Variants in GRID2 observed in about 807,000 individuals in gnomAD.
GRID2 encodes glutamate receptor ionotropic, delta-2.
A neutral mutation model predicts 114.8 loss-of-function variants in GRID2; 33 were observed. The observed-to-expected ratio is 0.29, with a 90% CI of 0.22 to 0.38. The LOEUF is 0.38. GRID2 is among the 10% of genes least tolerant of loss of function. The pLI is 1.00. For synonymous variants in GRID2, 505 were observed against 449.9 expected, an observed-to-expected ratio of 1.12 and a Z score of -1.55; for missense variants, 1,184 against 1,257.7, an observed-to-expected ratio of 0.94 and a Z score of 0.89.
In GRID2 at chr4:93,498,052, C is replaced by T. The variant is rs1210216271; in HGVS notation, c.1997+7275C>T. 2.0e-5 allele frequency among the ~76,000 whole-genome samples: 3 copies of T among 151,708 alleles called. No homozygotes were observed. In the East Asian group the frequency reaches 5.8e-4, roughly 29 times the overall value. On this transcript the variant is annotated intron_variant, in intron 12 of 15. Transcript: ENST00000282020. ...CTGTACATGTTTTGTTAGATTTGTG[C>T]CTAAGTATTTCTTTTTCTCAGTGAT... is the stretch of plus-strand genomic sequence containing the variant.
Position 93,207,448 on chromosome 4 carries a change from T to G in GRID2, c.780T>G (p.Ile260Met). 1.9e-6 allele frequency: 3 copies of G among 1,589,550 alleles called. No homozygotes were observed. Among genetic ancestry groups the G allele is most frequent in the Non-Finnish European group, 2.6e-6 (3 of 1,158,418 alleles). ...NLVAFDCHWI[I>M]INEEINDVDV... ...TTGCTTTTGACTGTCACTGGATCAT[T>G]ATAAATGAGGTAAAGCCAACTAAAC... The change falls in exon 5 of 16, where the codon ATT becomes ATG. Residue 260 changes from isoleucine (I) to methionine (M), a missense_variant. By Grantham distance (10) the Ile-to-Met change is conservative (BLOSUM62 1). Around this residue, in one of 3 missense-constraint regions of GRID2, gnomAD observed 455 missense variants for 429.5 expected, o/e 1.06. Coordinates refer to ENST00000282020, the MANE Select transcript of GRID2 (RefSeq NM_001510.4).
At chr4:93,631,610 T>C (rs1460373205) in intron 14 of GRID2, among the ~76,000 whole-genome samples, 2 of 152,238 alleles carry the variant, frequency 1.3e-5, no homozygotes, top group Non-Finnish European at 2.9e-5. Flanking sequence ...TAATCCAGTC[T>C]ATCATTGTTG....
At chr4:92,696,526 T>C (rs1175958410) in intron 2 of GRID2, among the ~76,000 whole-genome samples, 1 of 152,136 alleles carries the variant, frequency 6.6e-6, no homozygotes. Flanking sequence ...AGTAAATATA[T>C]AGTTGCCTGA....
chr4:93,245,536 G>A (rs893473443), intron 8 of GRID2, among the ~76,000 whole-genome samples: 4 of 152,108 alleles, frequency 2.6e-5, no homozygotes, highest in Non-Finnish European at 4.4e-5. Context: ...AAGCAAAATG[G>A]AAATACCCAT....
chr4:93,125,766 A>G (rs1309574769), intron 4 of GRID2, among the ~76,000 whole-genome samples: 1 of 152,200 alleles, frequency 6.6e-6, no homozygotes, highest in Admixed American at 6.5e-5. Flanking sequence ...TCCTTATTAA[A>G]AAGGAAAAGT....
At chr4:92,988,456 C>G (rs1391500811) in intron 2 of GRID2, among the ~76,000 whole-genome samples, 1 of 152,152 alleles carries the variant, frequency 6.6e-6, no homozygotes, top group African/African-American at 2.4e-5. Flanking sequence ...CCAGACTCTT[C>G]TTGTAATCTA....
Position 92,688,001 on chromosome 4 carries a change from C to T in GRID2, c.244+97715C>T, listed in dbSNP as rs1374304763. On this transcript the variant is annotated intron_variant, in intron 2 of 15. Transcript: ENST00000282020. ...GTGGCCATTTTTAAAAATGAGATAG[C>T]CATGATGTTTGCCACATTGGTTGAC... Among the ~76,000 whole-genome samples the T allele has an allele frequency of 2.8e-5, 4 of 143,966 alleles. No individual in the cohort carries two copies. The South Asian group carries it at 8.9e-4, about 32-fold the overall frequency. The allele number at this position is 143,966 out of a possible 152,430, so 94.4% of individuals were successfully genotyped here. A position where few individuals can be genotyped will look rare whatever the true frequency, so the allele number is the denominator to read the frequency against.
chr4:93,011,358 C>G (rs1296310419), intron 2 of GRID2, among the ~76,000 whole-genome samples: 2 of 151,916 alleles, frequency 1.3e-5, no homozygotes, highest in African/African-American at 4.8e-5. Context: ...CCTCAATACA[C>G]AGGCCTGATT....
intron 1 of GRID2, among the ~76,000 whole-genome samples, chr4:92,542,859 T>G (rs943820742): frequency 6.6e-6 from 1 of 152,140 alleles, no homozygotes; most frequent in Non-Finnish European, 1.5e-5. Flanking sequence ...AATAATTGAT[T>G]ATAGTACGTG....
chr4:93,015,230 A>G (rs1722562739), intron 2 of GRID2, among the ~76,000 whole-genome samples: 1 of 152,128 alleles, frequency 6.6e-6, no homozygotes, highest in Non-Finnish European at 1.5e-5. Context: ...TAATGGGCCA[A>G]AAATGGAACT....
At chr4:92,384,657 CATATT>C (rs1171718371) in intron 1 of GRID2, among the ~76,000 whole-genome samples, 16 of 65,568 alleles carry the variant, frequency 2.4e-4, no homozygotes, top group East Asian at 1.1e-3. Context: ...AATATATAGA[CATATT>C]ATATACATAT....
chr4:93,543,858 T>G (rs1732917518), intron 13 of GRID2, among the ~76,000 whole-genome samples: 1 of 152,122 alleles, frequency 6.6e-6, no homozygotes. Flanking sequence ...AAAGAAAGCT[T>G]CTTATTACCA....
intron 1 of GRID2, among the ~76,000 whole-genome samples, chr4:92,402,235 A>G (rs1047874505): frequency 1.3e-5 from 2 of 152,134 alleles, no homozygotes; most frequent in African/African-American, 4.8e-5. Flanking sequence ...AATCTCTCAA[A>G]GTCATTCATC....
intron 13 of GRID2, among the ~76,000 whole-genome samples, chr4:93,590,411 T>C (rs904411554): frequency 6.7e-6 from 1 of 149,302 alleles, no homozygotes; most frequent in African/African-American, 2.4e-5. Context: ...TCCATTGATC[T>C]ATATCTCTGT....
chr4:92,318,308 A>ATT (rs201137595), intron 1 of GRID2, among the ~76,000 whole-genome samples: 42 of 130,882 alleles, frequency 3.2e-4, no homozygotes, highest in African/African-American at 1.1e-3. Context: ...ATATATATAT[A>ATT]TTTTTTTTTT....
chr4:92,319,203 C>G (rs183626497), intron 1 of GRID2, among the ~76,000 whole-genome samples: 20 of 152,126 alleles, frequency 1.3e-4, no homozygotes, highest in African/African-American at 4.3e-4. Context: ...ATCTTATATG[C>G]ATGTTATTCT....
rs1165989577 is a variant in GRID2, at chr4:93,772,717, A to G, written c.*219A>G. ...TGTACATTTTCCTCCACTTTTTTTC[A>G]TTACTCAACTTGTTCCCCAAGAAGG... On this transcript the variant is annotated 3_prime_UTR_variant, in exon 16 of 16. Coordinates refer to ENST00000282020, the MANE Select transcript of GRID2 (RefSeq NM_001510.4). 2.1e-5 allele frequency: 11 copies of G among 515,158 alleles called. No homozygotes were observed. The highest frequency in any genetic ancestry group is 2.7e-5 in the Non-Finnish European group (8 of 294,856). 31.9% of individuals were successfully genotyped at this position (515,158 alleles called of 1,614,324 possible). A position where few individuals can be genotyped will look rare whatever the true frequency, so the allele number is the denominator to read the frequency against.
At chr4:93,248,963 A>G (rs1192911569) in intron 8 of GRID2, among the ~76,000 whole-genome samples, 2 of 152,194 alleles carry the variant, frequency 1.3e-5, no homozygotes, top group Admixed American at 6.5e-5. Context: ...CTGAAAATTG[A>G]TTGATACTTG....
At chr4:93,412,085 A>T (rs1486608244) in intron 9 of GRID2, among the ~76,000 whole-genome samples, 3 of 151,996 alleles carry the variant, frequency 2.0e-5, no homozygotes, top group Non-Finnish European at 4.4e-5. Context: ...TTGACAGCCC[A>T]ATGTGCTGTG....
Sources: allele counts gnomAD v4.1 joint callset (sites outside exome capture counted in the v4.1 genomes callset), GRCh38; gene constraint gnomAD v4.1.1; regional missense constraint gnomAD v4.1.1; transcripts MANE v1.5; gene names NCBI Gene and HGNC (gene_info 2026-07-23, HGNC 2026-07-21).